AOPEP: variants seen among roughly 807,000 people sequenced by gnomAD.
AOPEP encodes aminopeptidase O (putative).
In AOPEP, 77 loss-of-function variants were observed where a neutral mutation model predicts 98.1. That is an observed-to-expected ratio of 0.78 (90% CI 0.65 to 0.95). The LOEUF is 0.95. Ranked by LOEUF, AOPEP falls within the 40% of genes least tolerant of loss-of-function variation. The pLI is 0.00. For synonymous variants in AOPEP, 346 were observed against 365.3 expected (o/e 0.95, Z 0.60); for missense variants, 1,024 against 1,024.7 (o/e 1.00, Z 0.01).
intron 14 of AOPEP, among the ~76,000 whole-genome samples, chr9:95,070,252 A>G (rs1324612651): frequency 6.6e-6 from 1 of 152,218 alleles, no homozygotes; most frequent in Admixed American, 6.5e-5. Context: ...AGTTAAATCT[A>G]ATTTAAGGAC....
chr9:95,103,862 C>A, the AOPEP span, among the ~76,000 whole-genome samples: 66 of 152,322 alleles, frequency 4.3e-4, no homozygotes, highest in South Asian at 0.012. Flanking sequence ...TGGAGCCACT[C>A]GCTCAAGCCA....
intron 1 of AOPEP, among the ~76,000 whole-genome samples, chr9:94,750,687 G>A (rs1056210573): frequency 3.3e-5 from 5 of 151,530 alleles, no homozygotes; most frequent in African/African-American, 9.7e-5. Context: ...ACTTATGGCA[G>A]TTATTTATAT....
chr9:94,868,389 A>G (rs1366573006), intron 5 of AOPEP, among the ~76,000 whole-genome samples: 1 of 152,140 alleles, frequency 6.6e-6, no homozygotes, highest in African/African-American at 2.4e-5. Context: ...ATTTTCTTCA[A>G]TTTTAGATGT....
intron 16 of AOPEP, 103 bp downstream of exon 16, chr9:95,082,822 G>A: frequency 7.5e-7 from 1 of 1,341,834 alleles, no homozygotes; most frequent in Non-Finnish European, 1.0e-6. Context: ...ACTACCCGCA[G>A]CATCAATAGT....
At chr9:95,129,415 C>T in the AOPEP span, among the ~76,000 whole-genome samples, 4 of 151,970 alleles carry the variant, frequency 2.6e-5, no homozygotes, top group East Asian at 1.9e-4. Context: ...CTTTGGAAGC[C>T]GTATCTTCCC....
chr9:95,037,777 G>A (rs908233565), intron 13 of AOPEP, among the ~76,000 whole-genome samples: 1 of 152,150 alleles, frequency 6.6e-6, no homozygotes, highest in Non-Finnish European at 1.5e-5. Context: ...GAAGAATTGC[G>A]GCAACAGTAG....
intron 14 of AOPEP, among the ~76,000 whole-genome samples, chr9:95,074,006 C>T (rs753182472): frequency 3.9e-5 from 6 of 152,186 alleles, no homozygotes; most frequent in East Asian, 1.9e-4. Context: ...GATATGCATA[C>T]GTGTTTGTAC....
chr9:94,957,439 T>A (rs1397085921), intron 9 of AOPEP, among the ~76,000 whole-genome samples: 1 of 152,138 alleles, frequency 6.6e-6, no homozygotes, highest in Non-Finnish European at 1.5e-5. Flanking sequence ...AACTTCTGAC[T>A]TCAGGTGATC....
chr9:94,731,230 TG>T (rs1460839182), intron 1 of AOPEP, among the ~76,000 whole-genome samples: 1 of 151,982 alleles, frequency 6.6e-6, no homozygotes, highest in Non-Finnish European at 1.5e-5. Flanking sequence ...TTATCCAACT[TG>T]TTTTTTTTTT....
At chr9:95,041,966 C>A in intron 13 of AOPEP, among the ~76,000 whole-genome samples, 1 of 152,114 alleles carries the variant, frequency 6.6e-6, no homozygotes. Flanking sequence ...CGGGAAGAAA[C>A]CTTCCTCTTT....
chr9:94,873,996 C>T (rs1024316561), intron 5 of AOPEP, among the ~76,000 whole-genome samples: 1 of 150,956 alleles, frequency 6.6e-6, no homozygotes, highest in African/African-American at 2.4e-5. Context: ...TGTATACACA[C>T]AAAAAAGGAA....
At chr9:95,116,869 G>A in the AOPEP span, among the ~76,000 whole-genome samples, 12 of 152,178 alleles carry the variant, frequency 7.9e-5, no homozygotes, top group African/African-American at 1.2e-4. Flanking sequence ...TTGGTTAGGG[G>A]AAACTTCCCC....
At chr9:94,766,575 A>G (rs903961409) in intron 2 of AOPEP, among the ~76,000 whole-genome samples, 2 of 152,178 alleles carry the variant, frequency 1.3e-5, no homozygotes, top group Non-Finnish European at 2.9e-5. Flanking sequence ...CTCTTTGATA[A>G]CCCATTCTCT....
intron 5 of AOPEP, among the ~76,000 whole-genome samples, chr9:94,921,873 G>A (rs1034798187): frequency 5.3e-5 from 8 of 152,172 alleles, no homozygotes; most frequent in African/African-American, 1.7e-4. Context: ...AGGATGTTCA[G>A]ACTTGGCCTC....
the AOPEP span, among the ~76,000 whole-genome samples, chr9:95,102,296 C>T: frequency 1.3e-5 from 2 of 152,176 alleles, no homozygotes; most frequent in Non-Finnish European, 2.9e-5. Flanking sequence ...AGAAACAGCC[C>T]CTGGCATCCC....
chr9:95,008,045 A>G (rs1216932094), intron 13 of AOPEP, among the ~76,000 whole-genome samples: 1 of 152,272 alleles, frequency 6.6e-6, no homozygotes, highest in Non-Finnish European at 1.5e-5. Context: ...CTGTGTTAAA[A>G]TAAAGCTATG....
rs1340162431 is a variant in AOPEP, at chr9:94,773,294, T to TAA, written c.964+129_964+130dup. On this transcript the variant is annotated intron_variant, in intron 3 of 16. Coordinates refer to ENST00000375315, the MANE Select transcript of AOPEP (RefSeq NM_001193329.3). ...AGTTGGGTTGGAAATGATCATAGTATAAAACATCCTGCCAGGGAAAACAAG... is the reference window on the plus strand; with the variant it reads ...AGTTGGGTTGGAAATGATCATAGTATAAAAAACATCCTGCCAGGGAAAACAAG... 4 of 815,646 alleles carry TAA rather than the reference T, an allele frequency of 4.9e-6. No homozygotes were observed. The East Asian group carries it at 1.1e-4, about 22-fold the overall frequency. 50.5% of individuals were successfully genotyped at this position (815,646 alleles called of 1,614,324 possible).
At chr9:94,876,658 C>T (rs1424896136) in intron 5 of AOPEP, among the ~76,000 whole-genome samples, 1 of 152,176 alleles carries the variant, frequency 6.6e-6, no homozygotes, top group Non-Finnish European at 1.5e-5. Context: ...AACCACTGCA[C>T]CTAGCCGTGT....
At chr9:94,773,259 C>T (rs904045492) in intron 3 of AOPEP, 91 bp downstream of exon 3, 8 of 1,165,188 alleles carry the variant, frequency 6.9e-6, no homozygotes, top group East Asian at 4.8e-5. Context: ...CTTTAAAGAG[C>T]TCCTTTATTA....
Sources: gnomAD v4.1 joint callset for allele counts (sites outside exome capture counted in the v4.1 genomes callset) on GRCh38, gnomAD v4.1.1 for gene constraint, MANE v1.5 for transcripts, NCBI Gene and HGNC (gene_info 2026-07-23, HGNC 2026-07-21) for gene names.